CPEB2: variants seen among roughly 807,000 people sequenced by gnomAD.
The protein encoded by CPEB2 is cytoplasmic polyadenylation element-binding protein 2.
CPEB2 carries 56 observed loss-of-function variants against 93.6 expected under a neutral mutation model. The ratio of observed to expected loss-of-function variants is 0.60; its 90% CI spans 0.48 to 0.75. The LOEUF (loss-of-function observed/expected upper bound fraction) is 0.75. Ranked by LOEUF, CPEB2 falls within the 30% of genes least tolerant of loss-of-function variation. CPEB2 has a pLI of 0.00. For synonymous variants in CPEB2, 764 were observed against 586.3 expected (o/e 1.30, Z -4.38); for missense variants, 1,579 against 1,395.1 (o/e 1.13, Z -2.10).
At chr4:15,029,580 T>C (rs1235813035) in intron 4 of CPEB2, among the ~76,000 whole-genome samples, 1 of 152,138 alleles carries the variant, frequency 6.6e-6, no homozygotes, top group Non-Finnish European at 1.5e-5. Context: ...ATTGCCTGGT[T>C]ACCTAAAATT....
intron 8 of CPEB2, among the ~76,000 whole-genome samples, chr4:15,055,305 G>A (rs1188649541): frequency 6.6e-6 from 1 of 152,090 alleles, no homozygotes; most frequent in Non-Finnish European, 1.5e-5. Context: ...TCTGATTAAA[G>A]CTATCTACCT....
chr4:15,008,358 G>C lies in CPEB2; in HGVS notation c.1965G>C (p.Leu655Phe). 6.2e-7 allele frequency: 1 copy of C among 1,613,748 alleles called. No individual in the cohort carries two copies. Among genetic ancestry groups the C allele is most frequent in the Non-Finnish European group, 8.5e-7 (1 of 1,179,758 alleles). The change falls in exon 3 of 12, where the codon TTG becomes TTC. Residue 655 changes from leucine (L) to phenylalanine (F), a missense_variant. Physicochemically the swap from Leu to Phe is conservative, Grantham distance 22. Around this residue, in one of 2 missense-constraint regions of CPEB2, gnomAD observed 1,411 missense variants for 1,056.0 expected, o/e 1.34. Transcript: ENST00000538197. ...LPLQVRSSLQ[L>F]PAWGSDSLQD... ...TGAAGGTGAGATCTAGTTTGCAGTT[G>C]CCAGCTTGGGGCTCAGATTCACTCC...
chr4:15,004,204 C>T lies in CPEB2; in HGVS notation c.1531C>T (p.Gln511Ter). The T allele has an allele frequency of 1.3e-6, 2 of 1,490,880 alleles. No individual in the cohort carries two copies. The highest frequency in any genetic ancestry group is 1.5e-5 in the African/African-American group (1 of 68,232). 92.4% of individuals were successfully genotyped at this position (1,490,880 alleles called of 1,614,324 possible). ...GCCCGCCATGAATATACCTCAACAG[C>T]AGCCCCCGCCGCCCGCGGCGCCGCA... ...PPPAMNIPQQ[Q>*]PPPPAAPQQP... Residue 511 changes from glutamine (Q) to a stop codon, truncating the protein, a stop_gained, in exon 1 of 12, where the codon CAG becomes TAG. Transcript: ENST00000538197. LOFTEE classifies it high-confidence loss of function.
chr4:15,011,753 A>G (rs184131572), intron 3 of CPEB2, among the ~76,000 whole-genome samples: 56 of 152,338 alleles, frequency 3.7e-4, no homozygotes, highest in Admixed American at 1.2e-3. Context: ...AAGTTTACAT[A>G]TGACATATCA....
At chr4:15,012,168 T>G (rs1163883491) in intron 3 of CPEB2, among the ~76,000 whole-genome samples, 1 of 152,254 alleles carries the variant, frequency 6.6e-6, no homozygotes, top group Non-Finnish European at 1.5e-5. Context: ...GTCATCAAAC[T>G]GTTACATGCC....
In CPEB2 at chr4:15,017,208, C is replaced by T; in HGVS notation, c.2055C>T (p.Asp685=). Residue 685 remains aspartate, a synonymous_variant, in exon 4 of 12, where the codon GAC becomes GAT. Coordinates refer to ENST00000538197, the MANE Select transcript of CPEB2 (RefSeq NM_001177382.2). Reference sequence around the variant, plus strand: ...TCCAGGATCGAAGTAGAATGTATGACAGTTTGAATATGCACTCTTTGGAAA... The same window carrying T: ...TCCAGGATCGAAGTAGAATGTATGATAGTTTGAATATGCACTCTTTGGAAA... ...RIDQDRSRMY[D]SLNMHSLENS... is the part of the protein sequence containing the mutation. The T allele has an allele frequency of 1.3e-6, 2 of 1,592,318 alleles. No homozygotes were observed. The highest frequency in any genetic ancestry group is 1.7e-6 in the Non-Finnish European group (2 of 1,162,118).
chr4:15,004,052 C>A lies in CPEB2; in HGVS notation c.1379C>A (p.Ala460Asp). The A allele has an allele frequency of 6.4e-7, 1 of 1,566,804 alleles. No individual in the cohort carries two copies. Among genetic ancestry groups the A allele is most frequent in the South Asian group, 1.2e-5 (1 of 86,704 alleles). Residue 460 changes from alanine (A) to aspartate (D), a missense_variant, in exon 1 of 12, where the codon GCC becomes GAC. Coordinates refer to ENST00000538197, the MANE Select transcript of CPEB2 (RefSeq NM_001177382.2). Reference protein sequence around the residue: ...YPGLPSSMNPAFFPSFSPVSP... With the variant: ...YPGLPSSMNPDFFPSFSPVSP... The stretch of plus-strand genomic sequence containing the variant: ...GGGCTGCCGTCGTCCATGAACCCGG[C>A]CTTCTTCCCTAGCTTCTCGCCCGTG...
rs1465230835 is a variant in CPEB2 at position 15,002,689 on chromosome 4, T to C, written c.16T>C (p.Phe6Leu). The change falls in exon 1 of 12, where the codon TTT becomes CTT. Residue 6 changes from phenylalanine (F) to leucine (L), a missense_variant. Physicochemically the swap from Phe to Leu is conservative, Grantham distance 22 (BLOSUM62 0). Coordinates refer to ENST00000538197, the MANE Select transcript of CPEB2 (RefSeq NM_001177382.2). MRDFG[F>L]GVLQTAPLRS... ...GGCCTGATAAATGAGGGATTTCGGG[T>C]TTGGGGTGCTGCAGACCGCCCCGCT... is the stretch of plus-strand genomic sequence containing the variant. 1 of 1,507,836 alleles carries C rather than the reference T, an allele frequency of 6.6e-7. No individual in the cohort carries two copies. Among genetic ancestry groups the C allele is most frequent in the South Asian group, 1.2e-5 (1 of 81,898 alleles). 93.4% of individuals were successfully genotyped at this position (1,507,836 alleles called of 1,614,324 possible).
intron 4 of CPEB2, among the ~76,000 whole-genome samples, chr4:15,023,733 T>C (rs910718897): frequency 1.3e-5 from 2 of 151,866 alleles, no homozygotes; most frequent in Admixed American, 6.6e-5. Context: ...TGCTCCTTAC[T>C]GGTAGCCACT....
At position 15,008,739 on chromosome 4, in the gene CPEB2, A is replaced by T. The variant is rs907420381; in HGVS notation, c.2034+312A>T. The stretch of plus-strand genomic sequence containing the variant: ...TAAGCAGATTGTATCTCTTTTCAGA[A>T]TTAAATGCAATTAGGTACAAAATCA... On this transcript the variant is annotated intron_variant, in intron 3 of 11. Transcript: ENST00000538197. Among the ~76,000 whole-genome samples the T allele has an allele frequency of 7.9e-5, 12 of 152,334 alleles. No individual in the cohort carries two copies. The South Asian group carries it at 8.3e-4, about 11-fold the overall frequency.
In CPEB2 at chr4:15,003,192, G is replaced by A; in HGVS notation, c.519G>A (p.Gln173=). The A allele has an allele frequency of 1.3e-6, 2 of 1,534,122 alleles. No homozygotes were observed. The highest frequency in any genetic ancestry group is 1.7e-6 in the Non-Finnish European group (2 of 1,146,284). The change falls in exon 1 of 12, where the codon CAG becomes CAA. Residue 173 remains glutamine, a synonymous_variant. Transcript: ENST00000538197. Reference sequence around the variant, plus strand: ...ACTTCAGTAAGCGGCAGCAGCAGCAGCTGAGCAGCCAGAAGAGGAAAGAGT... The same window carrying A: ...ACTTCAGTAAGCGGCAGCAGCAGCAACTGAGCAGCCAGAAGAGGAAAGAGT... ...PQDFSKRQQQ[Q]LSSQKRKEFS...
At chr4:15,062,750 A>G (rs972395218) in intron 11 of CPEB2, among the ~76,000 whole-genome samples, 1 of 152,130 alleles carries the variant, frequency 6.6e-6, no homozygotes, top group African/African-American at 2.4e-5. Context: ...GTTTGTTTTC[A>G]TTTGTCACAA....
In CPEB2 at chr4:15,002,669, G is replaced by C; in HGVS notation, c.-5G>C. On this transcript the variant is annotated 5_prime_UTR_variant, in exon 1 of 12. Transcript: ENST00000538197. ...CGTCTCCTCCCGCTGCCGGCGGCCT[G>C]ATAAATGAGGGATTTCGGGTTTGGG... is the stretch of plus-strand genomic sequence containing the variant. 6.7e-7 allele frequency: 1 copy of C among 1,491,036 alleles called. No homozygotes were observed. The highest frequency in any genetic ancestry group is 8.9e-7 in the Non-Finnish European group (1 of 1,120,282). 92.4% of individuals were successfully genotyped at this position (1,491,036 alleles called of 1,614,324 possible). A position where few individuals can be genotyped will look rare whatever the true frequency, so the allele number is the denominator to read the frequency against.
intron 11 of CPEB2, among the ~76,000 whole-genome samples, chr4:15,063,140 T>C (rs1326790789): frequency 6.6e-6 from 1 of 152,008 alleles, no homozygotes; most frequent in East Asian, 1.9e-4. Context: ...TTCCCCAATA[T>C]AACAGTTTCT....
chr4:15,015,255 T>C (rs1723986687), intron 3 of CPEB2, among the ~76,000 whole-genome samples: 1 of 152,058 alleles, frequency 6.6e-6, no homozygotes, highest in Non-Finnish European at 1.5e-5. Context: ...TGTTCAAGTT[T>C]AGGAACCACT....
At chr4:15,060,231 G>C (rs970998644) in intron 10 of CPEB2, among the ~76,000 whole-genome samples, 1 of 152,158 alleles carries the variant, frequency 6.6e-6, no homozygotes, top group African/African-American at 2.4e-5. Context: ...GATACAAGGA[G>C]TGAGGGAAGG....
chr4:15,036,569 A>T (rs1726631458), intron 5 of CPEB2, among the ~76,000 whole-genome samples: 1 of 152,236 alleles, frequency 6.6e-6, no homozygotes, highest in Admixed American at 6.5e-5. Context: ...AAAGAGCAAT[A>T]CAAAATGATG....
At chr4:15,019,201 A>G (rs972537956) in intron 4 of CPEB2, among the ~76,000 whole-genome samples, 1 of 151,682 alleles carries the variant, frequency 6.6e-6, no homozygotes, top group African/African-American at 2.4e-5. Context: ...AAAAGAAAAA[A>G]ATCGAGAAAC....
At chr4:15,040,433 AT>A in intron 5 of CPEB2, 30 bp from the exon 6 acceptor site, 1 of 1,534,236 alleles carries the variant, frequency 6.5e-7, no homozygotes, top group Non-Finnish European at 8.7e-7. Context: ...TAGTTCTGAC[AT>A]TTTACAATTT....
Sources: gnomAD v4.1 joint callset for allele counts (sites outside exome capture counted in the v4.1 genomes callset) on GRCh38, gnomAD v4.1.1 for gene constraint, gnomAD v4.1.1 regional missense constraint, MANE v1.5 for transcripts, NCBI Gene and HGNC (gene_info 2026-07-23, HGNC 2026-07-21) for gene names.